BICC1: variants seen among roughly 807,000 people sequenced by gnomAD.
BICC1 encodes the protein protein bicaudal C homolog 1.
Under a neutral mutation model 111.0 loss-of-function variants are expected in BICC1, and 43 were observed. The ratio of observed to expected loss-of-function variants is 0.39; its 90% CI spans 0.30 to 0.50. BICC1 has a LOEUF of 0.50. Ranked by LOEUF, BICC1 falls within the 20% of genes least tolerant of loss-of-function variation. The pLI, the probability that BICC1 is intolerant of heterozygous loss-of-function variation, is 0.88. For missense variants in BICC1, 1,091 were observed against 1,203.2 expected, an observed-to-expected ratio of 0.91 and a Z score of 1.38; for synonymous variants, 467 against 434.4, an observed-to-expected ratio of 1.07 and a Z score of -0.93.
chr10:58,696,925 A>AC (rs899767023), intron 2 of BICC1, among the ~76,000 whole-genome samples: 6 of 152,002 alleles, frequency 3.9e-5, no homozygotes, highest in Admixed American at 3.3e-4. Flanking sequence ...GGCTTCCCCC[A>AC]CCCCCCTGCT....
chr10:58,633,780 A>G (rs1253921759), intron 2 of BICC1, among the ~76,000 whole-genome samples: 3 of 152,178 alleles, frequency 2.0e-5, no homozygotes, highest in African/African-American at 7.2e-5. Context: ...TTTTGCAAGT[A>G]ATAGAAAATT....
At chr10:58,514,054 T>G (rs765531060) in intron 1 of BICC1, among the ~76,000 whole-genome samples, 2 of 152,272 alleles carry the variant, frequency 1.3e-5, no homozygotes, top group Non-Finnish European at 2.9e-5. Flanking sequence ...AGAATTATTT[T>G]TAACTCTTTA....
chr10:58,527,525 A>C (rs891743215), intron 1 of BICC1, among the ~76,000 whole-genome samples: 1 of 152,150 alleles, frequency 6.6e-6, no homozygotes, highest in Admixed American at 6.6e-5. Context: ...AGTATTGTCT[A>C]GGTTTTCTTC....
intron 2 of BICC1, among the ~76,000 whole-genome samples, chr10:58,672,904 T>A (rs1181371963): frequency 1.3e-5 from 2 of 152,222 alleles, no homozygotes; most frequent in African/African-American, 4.8e-5. Context: ...AATTGGATCC[T>A]CTTTAAATGT....
chr10:58,739,584 A>C (rs541536682), intron 3 of BICC1, among the ~76,000 whole-genome samples: 13 of 151,934 alleles, frequency 8.6e-5, no homozygotes, highest in Non-Finnish European at 1.8e-4. Flanking sequence ...TCTCTCCAAC[A>C]ATTCTTACAT....
At chr10:58,647,402 A>G (rs1223012430) in intron 2 of BICC1, among the ~76,000 whole-genome samples, 1 of 152,200 alleles carries the variant, frequency 6.6e-6, no homozygotes. Flanking sequence ...TGCTTTGGAG[A>G]ACCAAAAATC....
Position 58,817,690 on chromosome 10 carries a change from G to A in BICC1, c.2662G>A (p.Gly888Ser), listed in dbSNP as rs1323032230. ...LPELFSKLGL[G>S]KYTDVFQQQE... ...TGAGCTCTTCAGCAAACTGGGCCTGGGCAAATACACAGATGTTTTCCAGCA... is the reference window on the plus strand; with the variant it reads ...TGAGCTCTTCAGCAAACTGGGCCTGAGCAAATACACAGATGTTTTCCAGCA... Residue 888 changes from glycine (G) to serine (S), a missense_variant, in exon 19 of 21, where the codon GGC becomes AGC. Around this residue, in one of 3 missense-constraint regions of BICC1, gnomAD observed 231 missense variants for 256.2 expected, o/e 0.90. Coordinates refer to ENST00000373886, the MANE Select transcript of BICC1 (RefSeq NM_001080512.3). The A allele has an allele frequency of 1.9e-6, 3 of 1,612,340 alleles. No homozygotes were observed. Among genetic ancestry groups the A allele is most frequent in the East Asian group, 2.2e-5 (1 of 44,800 alleles).
At chr10:58,727,408 G>A (rs1481566185) in intron 3 of BICC1, among the ~76,000 whole-genome samples, 2 of 151,974 alleles carry the variant, frequency 1.3e-5, no homozygotes, top group African/African-American at 2.4e-5. Flanking sequence ...GTACCATGGT[G>A]CAACCCCATT....
chr10:58,763,340 G>A (rs1301237949), intron 3 of BICC1, among the ~76,000 whole-genome samples: 2 of 152,188 alleles, frequency 1.3e-5, no homozygotes, highest in Admixed American at 6.5e-5. Flanking sequence ...CTTCACAAGT[G>A]ATTTTAAAAC....
chr10:58,556,859 A>G (rs1281872469), intron 1 of BICC1, among the ~76,000 whole-genome samples: 1 of 151,964 alleles, frequency 6.6e-6, no homozygotes, highest in African/African-American at 2.4e-5. Flanking sequence ...TTTTTCTTGC[A>G]TTACTATTTT....
At position 58,789,943 on chromosome 10, in the gene BICC1, C is replaced by T; in HGVS notation, c.1047+10C>T. 2 of 1,613,582 alleles carry T rather than the reference C, an allele frequency of 1.2e-6. No homozygotes were observed. The highest frequency in any genetic ancestry group is 1.7e-6 in the Non-Finnish European group (2 of 1,179,768). Reference sequence around the variant, plus strand: ...AAGGCAATATCTCATGGTAAGGTTACTGAAATAAGTGTTACAATTTTTTTA... The same window carrying T: ...AAGGCAATATCTCATGGTAAGGTTATTGAAATAAGTGTTACAATTTTTTTA... On this transcript the variant is annotated intron_variant, in intron 8 of 20. Transcript: ENST00000373886.
At chr10:58,672,658 G>A (rs184759033) in intron 2 of BICC1, among the ~76,000 whole-genome samples, 21 of 152,178 alleles carry the variant, frequency 1.4e-4, no homozygotes, top group African/African-American at 5.1e-4. Flanking sequence ...ACAAGAGCAG[G>A]GACCAAGGCT....
intron 2 of BICC1, among the ~76,000 whole-genome samples, chr10:58,631,822 C>G (rs7904807): frequency 6.6e-6 from 1 of 152,006 alleles, no homozygotes; most frequent in Non-Finnish European, 1.5e-5. Context: ...ACCAGGAAAC[C>G]TTAATCTCCA....
At chr10:58,770,138 A>G (rs977462643) in intron 3 of BICC1, among the ~76,000 whole-genome samples, 7 of 152,102 alleles carry the variant, frequency 4.6e-5, no homozygotes, top group Non-Finnish European at 1.0e-4. Flanking sequence ...CTCCTTTGCT[A>G]TATTTTCTAA....
chr10:58,607,229 T>TCCCTTGAAC (rs1845250225), intron 1 of BICC1, among the ~76,000 whole-genome samples: 1 of 151,306 alleles, frequency 6.6e-6, no homozygotes, highest in Admixed American at 6.6e-5. Context: ...GGCAGGACAA[T>TCCCTTGAAC]CCCTTGAACC....
intron 1 of BICC1, among the ~76,000 whole-genome samples, chr10:58,551,185 G>T (rs1322322091): frequency 1.3e-5 from 2 of 152,038 alleles, no homozygotes; most frequent in African/African-American, 4.8e-5. Flanking sequence ...CTTTACCTAG[G>T]ACTTGCCTGG....
chr10:58,637,587 C>T (rs1837988793), intron 2 of BICC1, among the ~76,000 whole-genome samples: 1 of 152,186 alleles, frequency 6.6e-6, no homozygotes, highest in African/African-American at 2.4e-5. Flanking sequence ...CTTTACAGCC[C>T]TTTGCTATAA....
intron 2 of BICC1, among the ~76,000 whole-genome samples, chr10:58,645,615 G>A (rs370571522): frequency 1.2e-4 from 19 of 152,176 alleles, no homozygotes; most frequent in African/African-American, 3.4e-4. Flanking sequence ...ATCCTGGCTC[G>A]CAGTGTAGTA....
chr10:58,687,036 G>T (rs1839754554), intron 2 of BICC1, among the ~76,000 whole-genome samples: 1 of 152,216 alleles, frequency 6.6e-6, no homozygotes, highest in South Asian at 2.1e-4. Flanking sequence ...TGATGGTGAT[G>T]TACAGATGGG....
Sources: allele counts gnomAD v4.1 joint callset (sites outside exome capture counted in the v4.1 genomes callset), GRCh38; gene constraint gnomAD v4.1.1; regional missense constraint gnomAD v4.1.1; transcripts MANE v1.5; gene names NCBI Gene and HGNC (gene_info 2026-07-23, HGNC 2026-07-21).